CLNK: variants seen among roughly 807,000 people sequenced by gnomAD.
CLNK encodes cytokine-dependent hematopoietic cell linker.
A neutral mutation model predicts 68.6 loss-of-function variants in CLNK; 74 were observed. The observed-to-expected ratio is 1.08, with a 90% CI of 0.89 to 1.31. The LOEUF (loss-of-function observed/expected upper bound fraction) is 1.31. Among genes scored for constraint, CLNK ranks in the 50% most tolerant of loss-of-function variants. The pLI is 0.00. For synonymous variants in CLNK, 198 were observed against 172.2 expected (o/e 1.15, Z -1.17); for missense variants, 553 against 515.3 (o/e 1.07, Z -0.71).
the CLNK span, among the ~76,000 whole-genome samples, chr4:10,699,492 C>CTATA: frequency 3.0e-4 from 18 of 59,552 alleles, no homozygotes; most frequent in African/African-American, 1.1e-3. Flanking sequence ...CTCTCTCTCT[C>CTATA]TCTATATATA....
intron 14 of CLNK, among the ~76,000 whole-genome samples, chr4:10,521,259 A>G (rs1341211532): frequency 2.0e-5 from 3 of 152,244 alleles, no homozygotes; most frequent in Non-Finnish European, 4.4e-5. Flanking sequence ...TATTCCTTCT[A>G]GAAATTTGTG....
chr4:10,512,002 C>T (rs923763784), intron 16 of CLNK, among the ~76,000 whole-genome samples: 1 of 152,080 alleles, frequency 6.6e-6, no homozygotes, highest in African/African-American at 2.4e-5. Flanking sequence ...TTATTATTGA[C>T]AGGACATAGA....
intron 5 of CLNK, 69 bp from the exon 6 acceptor site, chr4:10,566,219 T>A: frequency 6.6e-7 from 1 of 1,505,836 alleles, no homozygotes; most frequent in Non-Finnish European, 9.0e-7. Flanking sequence ...GCTACAGTGC[T>A]GGCTAGAGAA....
rs79463274 is a variant in CLNK, at chr4:10,659,335, G to A, written c.11+8524C>T. Among the ~76,000 whole-genome samples, 588 of 152,316 alleles carry A rather than the reference G, an allele frequency of 3.9e-3. 2 individuals are homozygous for A. Among genetic ancestry groups the A allele is most frequent in the African/African-American group, 0.013 (533 of 41,566 alleles). On this transcript the variant is annotated intron_variant, in intron 2 of 18. Transcript: ENST00000226951. ...TACCAGACACGGTGCTACACACACTGTATACATTAAGTCGCTTAACTTTCT... is the reference window on the plus strand; with the variant it reads ...TACCAGACACGGTGCTACACACACTATATACATTAAGTCGCTTAACTTTCT...
At chr4:10,677,333 T>C (rs1040859869) in intron 1 of CLNK, among the ~76,000 whole-genome samples, 4 of 152,192 alleles carry the variant, frequency 2.6e-5, no homozygotes, top group Non-Finnish European at 5.9e-5. Context: ...TGATGTATGC[T>C]GGTGATTTTC....
At chr4:10,560,691 G>A (rs1719852213) in intron 7 of CLNK, among the ~76,000 whole-genome samples, 1 of 152,074 alleles carries the variant, frequency 6.6e-6, no homozygotes, top group South Asian at 2.1e-4. Context: ...CAATCCCCCT[G>A]TCTTGGCCTC....
chr4:10,593,034 C>T (rs1721239090), intron 3 of CLNK, among the ~76,000 whole-genome samples: 1 of 152,154 alleles, frequency 6.6e-6, no homozygotes, highest in Admixed American at 6.5e-5. Flanking sequence ...GCCTGAGCAT[C>T]TACGCTGTAG....
intron 2 of CLNK, among the ~76,000 whole-genome samples, chr4:10,601,295 G>C (rs995709666): frequency 4.6e-5 from 7 of 152,196 alleles, no homozygotes; most frequent in Non-Finnish European, 8.8e-5. Context: ...ACACCAGCGA[G>C]AAGGAAAGCA....
the CLNK span, among the ~76,000 whole-genome samples, chr4:10,722,386 G>A: frequency 2.0e-5 from 3 of 152,110 alleles, no homozygotes; most frequent in Non-Finnish European, 2.9e-5. Flanking sequence ...CCCATCTCCC[G>A]CTAGCTCAGC....
chr4:10,678,945 A>C (rs1724980055), intron 1 of CLNK, among the ~76,000 whole-genome samples: 1 of 152,214 alleles, frequency 6.6e-6, no homozygotes, highest in Non-Finnish European at 1.5e-5. Context: ...TGCCCAAGGT[A>C]ATTTATAGAT....
intron 2 of CLNK, among the ~76,000 whole-genome samples, chr4:10,641,278 G>A (rs1325064368): frequency 6.6e-6 from 1 of 152,158 alleles, no homozygotes; most frequent in African/African-American, 2.4e-5. Flanking sequence ...GAGTGGGAAT[G>A]TTGTTACTGG....
chr4:10,634,828 C>A (rs35346523), intron 2 of CLNK, among the ~76,000 whole-genome samples: 3 of 330 alleles, frequency 9.1e-3, no homozygotes, highest in African/African-American at 0.037. Context: ...AATATCATTG[C>A]TGGAAAAAAA....
chr4:10,540,689 C>T, intron 10 of CLNK, 85 bp from the exon 11 acceptor site: 2 of 898,678 alleles, frequency 2.2e-6, no homozygotes, highest in Non-Finnish European at 1.8e-6. Flanking sequence ...GCTCTGCCCT[C>T]CGTGTCCCCA....
intron 16 of CLNK, among the ~76,000 whole-genome samples, chr4:10,511,135 G>C (rs558880137): frequency 1.4e-4 from 22 of 151,820 alleles, no homozygotes; most frequent in East Asian, 7.7e-4. Context: ...TCCAGCCTGG[G>C]CAAAAAGAGC....
intron 2 of CLNK, among the ~76,000 whole-genome samples, chr4:10,612,922 G>T (rs1308311483): frequency 6.6e-6 from 1 of 152,204 alleles, no homozygotes; most frequent in Non-Finnish European, 1.5e-5. Flanking sequence ...CATGCAAAAT[G>T]CTTACAACCA....
chr4:10,711,933 T>C, the CLNK span, among the ~76,000 whole-genome samples: 1 of 152,132 alleles, frequency 6.6e-6, no homozygotes. Flanking sequence ...CATTAGCATA[T>C]TCAACAGAAC....
chr4:10,691,818 G>GA, the CLNK span, among the ~76,000 whole-genome samples: 167 of 152,124 alleles, frequency 1.1e-3, 2 homozygotes, highest in Middle Eastern at 6.8e-3. Flanking sequence ...GATTAGGAAA[G>GA]AAAAAAACAG....
At chr4:10,671,443 G>A (rs952136583) in intron 1 of CLNK, among the ~76,000 whole-genome samples, 1 of 152,044 alleles carries the variant, frequency 6.6e-6, no homozygotes, top group Non-Finnish European at 1.5e-5. Flanking sequence ...CAGAGACTGA[G>A]TTAGCCACAA....
intron 3 of CLNK, among the ~76,000 whole-genome samples, chr4:10,595,951 C>A (rs1721367740): frequency 6.6e-6 from 1 of 152,220 alleles, no homozygotes; most frequent in South Asian, 2.1e-4. Context: ...CCTCTGAGGT[C>A]ATCCATTTAT....
Sources: allele counts gnomAD v4.1 joint callset (sites outside exome capture counted in the v4.1 genomes callset), GRCh38; gene constraint gnomAD v4.1.1; transcripts MANE v1.5; gene names NCBI Gene and HGNC (gene_info 2026-07-23, HGNC 2026-07-21).